Variants in PALM2AKAP2 observed in about 807,000 individuals in gnomAD.
PALM2AKAP2 encodes PALM2 and AKAP2 fusion.
PALM2AKAP2 carries 37 observed loss-of-function variants against 71.5 expected under a neutral mutation model. The observed-to-expected ratio is 0.52, with a 90% CI of 0.40 to 0.68. The LOEUF (loss-of-function observed/expected upper bound fraction) is 0.68, where lower values mean the gene tolerates loss of function less well. Ranked by LOEUF, PALM2AKAP2 falls within the 30% of genes least tolerant of loss-of-function variation. PALM2AKAP2 has a pLI of 0.00. For missense variants in PALM2AKAP2, 1,224 were observed against 1,191.8 expected, an observed-to-expected ratio of 1.03 and a Z score of -0.40; for synonymous variants, 468 against 478.8, an observed-to-expected ratio of 0.98 and a Z score of 0.29.
intron 1 of PALM2AKAP2, among the ~76,000 whole-genome samples, chr9:109,839,704 C>T (rs1320449654): frequency 2.0e-5 from 3 of 152,202 alleles, no homozygotes; most frequent in Non-Finnish European, 4.4e-5. Flanking sequence ...GTGCAAAATT[C>T]ACAAGCATTC....
intron 2 of PALM2AKAP2, among the ~76,000 whole-genome samples, chr9:109,869,670 C>CATCCATCCATCCATCCATCCATCT (rs1482913697): frequency 6.6e-6 from 1 of 152,106 alleles, no homozygotes; most frequent in Non-Finnish European, 1.5e-5. Context: ...TCCATCCATC[C>CATCCATCCATCCATCCATCCATCT]ATCCAATCAA....
At chr9:110,047,026 G>T (rs1285728326), upstream of PALM2AKAP2, among the ~76,000 whole-genome samples, 3 of 152,054 alleles carry the variant, frequency 2.0e-5, no homozygotes, top group East Asian at 5.8e-4. Context: ...AGTATGTAGG[G>T]CATCCAAGCA....
At chr9:110,138,018 G>A in exon 2 of PALM2AKAP2, 1 of 1,613,964 alleles carries the variant, frequency 6.2e-7, no homozygotes, top group Non-Finnish European at 8.5e-7. Flanking sequence ...TCCAAAACCA[G>A]CAGGGATGGA....
chr9:109,979,792 C>A (rs900774856), intron 6 of PALM2AKAP2, among the ~76,000 whole-genome samples: 3 of 151,924 alleles, frequency 2.0e-5, no homozygotes, highest in African/African-American at 7.2e-5. Context: ...ATTAAGAGCA[C>A]CCTTAAATTC....
chr9:109,827,229 A>G (rs1433924700), intron 1 of PALM2AKAP2, among the ~76,000 whole-genome samples: 1 of 152,240 alleles, frequency 6.6e-6, no homozygotes, highest in Non-Finnish European at 1.5e-5. Flanking sequence ...TGCTCAAAGT[A>G]GACAATGATC....
At chr9:110,126,946 C>T (rs938640989) in intron 1 of PALM2AKAP2, among the ~76,000 whole-genome samples, 1 of 152,198 alleles carries the variant, frequency 6.6e-6, no homozygotes, top group African/African-American at 2.4e-5. Context: ...AGAAATTGAC[C>T]AGTCTCCTTC....
chr9:110,137,102 C>T lies in PALM2AKAP2; in HGVS notation c.1132C>T (p.Gln378Ter). 1 of 1,613,266 alleles carries T rather than the reference C, an allele frequency of 6.2e-7. No individual in the cohort carries two copies. Among genetic ancestry groups the T allele is most frequent in the South Asian group, 1.1e-5 (1 of 91,046 alleles). Residue 378 changes from glutamine (Q) to a stop codon, truncating the protein, a stop_gained, in exon 2 of 4, where the codon CAG (glutamine) becomes TAG (stop). Coordinates refer to ENST00000374525, the Ensembl canonical transcript of PALM2AKAP2. LOFTEE classifies it high-confidence loss of function. ...GCAGAAGCAGTTACAGCAGCAGCAG[C>T]AGCAGCCCCCATCGCAGCTCTGCAC...
At chr9:109,797,315 C>T (rs974487267) in intron 1 of PALM2AKAP2, among the ~76,000 whole-genome samples, 20 of 152,180 alleles carry the variant, frequency 1.3e-4, no homozygotes, top group Non-Finnish European at 2.2e-4. Flanking sequence ...CACAGATACT[C>T]ACTGAATGCT....
At chr9:109,660,152 A>G (rs1349871010) in intron 1 of PALM2AKAP2, among the ~76,000 whole-genome samples, 4 of 152,204 alleles carry the variant, frequency 2.6e-5, no homozygotes, top group African/African-American at 9.6e-5. Flanking sequence ...ACTCTTTCAG[A>G]AAAATGTGTG....
intron 1 of PALM2AKAP2, among the ~76,000 whole-genome samples, chr9:109,659,246 T>A (rs1323411896): frequency 6.6e-6 from 1 of 152,220 alleles, no homozygotes; most frequent in African/African-American, 2.4e-5. Context: ...TACCACACAA[T>A]GAATCCATTT....
At chr9:109,679,007 C>T (rs919880340) in intron 1 of PALM2AKAP2, among the ~76,000 whole-genome samples, 7 of 152,112 alleles carry the variant, frequency 4.6e-5, no homozygotes, top group African/African-American at 1.7e-4. Context: ...CTGGTAGACC[C>T]TTGTCTTTGA....
chr9:110,080,828 G>A (rs1173879344), intron 1 of PALM2AKAP2, among the ~76,000 whole-genome samples: 1 of 152,010 alleles, frequency 6.6e-6, no homozygotes. Context: ...ACAGGCACCC[G>A]CCACCATGAC....
intron 2 of PALM2AKAP2, among the ~76,000 whole-genome samples, chr9:110,144,688 C>G (rs947871597): frequency 2.0e-5 from 3 of 152,180 alleles, no homozygotes; most frequent in Non-Finnish European, 2.9e-5. Context: ...TACTCTAAAA[C>G]TTGAGAAGAA....
chr9:109,926,021 A>G (rs1025617376), intron 5 of PALM2AKAP2, among the ~76,000 whole-genome samples: 1 of 152,132 alleles, frequency 6.6e-6, no homozygotes, highest in Non-Finnish European at 1.5e-5. Context: ...GCAGTGAGCT[A>G]TGGTCACACC....
chr9:109,739,488 C>T (rs1828686941), intron 1 of PALM2AKAP2, among the ~76,000 whole-genome samples: 1 of 152,198 alleles, frequency 6.6e-6, no homozygotes, highest in Non-Finnish European at 1.5e-5. Flanking sequence ...TGATTCAAAA[C>T]ATTCAAGAGT....
intron 1 of PALM2AKAP2, among the ~76,000 whole-genome samples, chr9:109,675,521 A>G (rs917829744): frequency 6.6e-5 from 10 of 152,128 alleles, no homozygotes; most frequent in South Asian, 2.1e-4. Flanking sequence ...CATGGTTGGC[A>G]TACGTATTTA....
At chr9:110,102,389 C>G (rs1350173751) in intron 1 of PALM2AKAP2, among the ~76,000 whole-genome samples, 1 of 152,150 alleles carries the variant, frequency 6.6e-6, no homozygotes, top group African/African-American at 2.4e-5. Flanking sequence ...AGAGTATAAA[C>G]TTTATCAAGC....
intron 1 of PALM2AKAP2, among the ~76,000 whole-genome samples, chr9:109,790,198 A>G (rs551638924): frequency 3.3e-5 from 5 of 152,118 alleles, no homozygotes; most frequent in African/African-American, 1.2e-4. Flanking sequence ...GTGGAAGCCT[A>G]TTTCATTACC....
chr9:109,742,251 TCACACACACACACACA>T (rs72323941), intron 1 of PALM2AKAP2, among the ~76,000 whole-genome samples: 41,391 of 145,392 alleles, frequency 0.28, 5,971 homozygotes, highest in Middle Eastern at 0.38. Flanking sequence ...TGTGATGTAT[TCACACACACACACACA>T]CACACACACA....
Sources: gnomAD v4.1 joint callset for allele counts (sites outside exome capture counted in the v4.1 genomes callset) on GRCh38, gnomAD v4.1.1 for gene constraint, MANE v1.5 for transcripts, NCBI Gene and HGNC (gene_info 2026-07-23, HGNC 2026-07-21) for gene names.